The following DGKB variants were observed in gnomAD, a reference collection of about 807,000 sequenced individuals.
The protein encoded by DGKB is diacylglycerol kinase beta.
Under a neutral mutation model 114.3 loss-of-function variants are expected in DGKB, and 67 were observed. The ratio of observed to expected loss-of-function variants is 0.59; its 90% CI spans 0.48 to 0.72. The LOEUF (loss-of-function observed/expected upper bound fraction) is 0.72. DGKB is among the 30% of genes least tolerant of loss of function. DGKB has a pLI of 0.00. For missense variants in DGKB, 907 were observed against 975.2 expected (o/e 0.93, Z 0.93); for synonymous variants, 398 against 323.1 (o/e 1.23, Z -2.49).
intron 23 of DGKB, among the ~76,000 whole-genome samples, chr7:14,234,838 A>G (rs1199866154): frequency 6.6e-6 from 1 of 152,062 alleles, no homozygotes; most frequent in East Asian, 1.9e-4. Context: ...CCAACATTTC[A>G]TAATTATATC....
intron 1 of DGKB, among the ~76,000 whole-genome samples, chr7:14,931,399 C>G (rs570558917): frequency 6.6e-6 from 1 of 152,142 alleles, no homozygotes; most frequent in Admixed American, 6.5e-5. Flanking sequence ...CGTGAGCCAC[C>G]GTGCCCAGCA....
chr7:14,703,996 C>T (rs1036118765), intron 6 of DGKB, among the ~76,000 whole-genome samples: 2 of 151,984 alleles, frequency 1.3e-5, no homozygotes, highest in African/African-American at 2.4e-5. Flanking sequence ...TAACTATTAC[C>T]TCTAAATCGA....
chr7:14,739,877 C>A (rs546231887), intron 4 of DGKB, among the ~76,000 whole-genome samples: 1 of 152,232 alleles, frequency 6.6e-6, no homozygotes, highest in Non-Finnish European at 1.5e-5. Flanking sequence ...GTGTTCCACC[C>A]CAACCCCAAC....
At chr7:14,714,513 C>T (rs1180463813) in intron 6 of DGKB, among the ~76,000 whole-genome samples, 1 of 150,128 alleles carries the variant, frequency 6.7e-6, no homozygotes, top group African/African-American at 2.5e-5. Flanking sequence ...AGAAGAGAAA[C>T]AGAAAAAAAA....
chr7:14,374,641 T>C (rs1441875870), intron 21 of DGKB, among the ~76,000 whole-genome samples: 1 of 152,186 alleles, frequency 6.6e-6, no homozygotes, highest in African/African-American at 2.4e-5. Context: ...AACAACCCTT[T>C]GGTATGATAA....
At chr7:14,956,949 C>A (rs1260336495) in intron 1 of DGKB, among the ~76,000 whole-genome samples, 1 of 151,816 alleles carries the variant, frequency 6.6e-6, no homozygotes, top group African/African-American at 2.4e-5. Flanking sequence ...CTCCCTCCAA[C>A]CCAACCTTCA....
At chr7:14,849,182 T>C (rs545479385) in intron 1 of DGKB, among the ~76,000 whole-genome samples, 1 of 152,042 alleles carries the variant, frequency 6.6e-6, no homozygotes, top group African/African-American at 2.4e-5. Flanking sequence ...TAATGCAGTA[T>C]CCTGAACTAG....
chr7:14,814,887 A>G (rs1843900586), intron 2 of DGKB, among the ~76,000 whole-genome samples: 1 of 152,178 alleles, frequency 6.6e-6, no homozygotes, highest in African/African-American at 2.4e-5. Context: ...GTTTTATTCT[A>G]ATACATAACT....
chr7:14,872,643 C>A (rs1161045914), intron 1 of DGKB, among the ~76,000 whole-genome samples: 1 of 152,000 alleles, frequency 6.6e-6, no homozygotes, highest in African/African-American at 2.4e-5. Context: ...TAAGTTGTTG[C>A]AAAAATTCTG....
At chr7:14,514,173 T>A (rs1333609415) in intron 20 of DGKB, among the ~76,000 whole-genome samples, 1 of 152,106 alleles carries the variant, frequency 6.6e-6, no homozygotes, top group Non-Finnish European at 1.5e-5. Flanking sequence ...AAATTATTTT[T>A]ATAATCTCTT....
chr7:14,434,314 T>G (rs1034644940), intron 21 of DGKB, among the ~76,000 whole-genome samples: 4 of 152,132 alleles, frequency 2.6e-5, no homozygotes, highest in African/African-American at 9.7e-5. Flanking sequence ...CCCTATATAG[T>G]AAAGTGGGCT....
At chr7:14,432,071 C>T (rs781160970) in intron 21 of DGKB, among the ~76,000 whole-genome samples, 96 of 152,286 alleles carry the variant, frequency 6.3e-4, no homozygotes, top group Non-Finnish European at 1.1e-3. Context: ...CTAATATTTA[C>T]ATTTTTATTT....
intron 5 of DGKB, among the ~76,000 whole-genome samples, chr7:14,733,309 G>A (rs548038025): frequency 6.6e-6 from 1 of 152,100 alleles, no homozygotes; most frequent in Non-Finnish European, 1.5e-5. Context: ...CATCTTAAAG[G>A]GCTATCATGT....
chr7:14,864,502 T>C (rs371024034), intron 1 of DGKB, among the ~76,000 whole-genome samples: 19 of 152,338 alleles, frequency 1.2e-4, no homozygotes, highest in African/African-American at 4.1e-4. Context: ...TTGAAAATTA[T>C]ACAGTCTGAT....
intron 21 of DGKB, among the ~76,000 whole-genome samples, chr7:14,415,318 G>A (rs1428697424): frequency 1.3e-5 from 2 of 151,854 alleles, no homozygotes; most frequent in Non-Finnish European, 2.9e-5. Context: ...TGTGCACAAC[G>A]TGCAGGTTTG....
chr7:14,449,261 A>C (rs897294212), intron 21 of DGKB, among the ~76,000 whole-genome samples: 4 of 152,114 alleles, frequency 2.6e-5, no homozygotes, highest in African/African-American at 9.7e-5. Context: ...CGAGTGTTAA[A>C]TGTGGAAAAC....
At chr7:14,437,603 AAT>A (rs1829472143) in intron 21 of DGKB, among the ~76,000 whole-genome samples, 1 of 151,994 alleles carries the variant, frequency 6.6e-6, no homozygotes, top group South Asian at 2.1e-4. Flanking sequence ...ATACCTCCTA[AAT>A]ATGTTTTCAA....
chr7:14,553,611 G>A (rs919564280), intron 20 of DGKB, among the ~76,000 whole-genome samples: 3 of 152,098 alleles, frequency 2.0e-5, no homozygotes, highest in Non-Finnish European at 2.9e-5. Context: ...CAGCACTGTA[G>A]AACAGGTTGA....
intron 20 of DGKB, among the ~76,000 whole-genome samples, chr7:14,518,837 A>G (rs904335743): frequency 1.3e-5 from 2 of 152,012 alleles, no homozygotes. Flanking sequence ...ACATACCACA[A>G]TCACCCAGAG....
Sources: gnomAD v4.1 joint callset for allele counts (sites outside exome capture counted in the v4.1 genomes callset) on GRCh38, gnomAD v4.1.1 for gene constraint, MANE v1.5 for transcripts, NCBI Gene and HGNC (gene_info 2026-07-23, HGNC 2026-07-21) for gene names.